The following RPH3AL variants were observed in gnomAD, a reference collection of about 807,000 sequenced individuals.
The protein encoded by RPH3AL is rab effector Noc2.
Under a neutral mutation model 43.1 loss-of-function variants are expected in RPH3AL, and 38 were observed. The ratio of observed to expected loss-of-function variants is 0.88; its 90% confidence interval spans 0.68 to 1.15. RPH3AL has a LOEUF of 1.15. Among genes scored for constraint, RPH3AL ranks in the 50% most tolerant of loss-of-function variants. RPH3AL has a pLI of 0.00. For synonymous variants in RPH3AL, 189 were observed against 176.3 expected, an observed-to-expected ratio of 1.07 and a Z score of -0.57; for missense variants, 462 against 423.2, an observed-to-expected ratio of 1.09 and a Z score of -0.81.
At position 323,337 on chromosome 17, in the gene RPH3AL, G is replaced by A. The variant is rs192233546; in HGVS notation, c.78-1922C>T. Among the ~76,000 whole-genome samples the A allele has an allele frequency of 7.9e-5, 12 of 152,208 alleles. No homozygotes were observed. The highest frequency in any genetic ancestry group is 2.2e-4 in the African/African-American group (9 of 41,536). Reference sequence around the variant, plus strand: ...CACGGTGCTGGGGAAGGAAAATACCGGGGCAGCAGGGCAGGGCTGGAAGGG... The same window carrying A: ...CACGGTGCTGGGGAAGGAAAATACCAGGGCAGCAGGGCAGGGCTGGAAGGG... On this transcript the variant is annotated intron_variant, in intron 3 of 9. Transcript: ENST00000331302. The surrounding 1 kb of genome is among the most constrained non-coding windows in gnomAD (Gnocchi z 4.4).
In RPH3AL at chr17:213,768, G is replaced by A. The variant is rs1214152572; in HGVS notation, c.*84C>T. 2.7e-6 allele frequency: 3 copies of A among 1,106,880 alleles called. No homozygotes were observed. The African/African-American group carries it at 4.6e-5, about 17-fold the overall frequency. 68.6% of individuals were successfully genotyped at this position (1,106,880 alleles called of 1,614,324 possible). ...TCATGGCCAACAGGGTGTCTGGTGAGGGCACAAGGACCGGTCAGGGAGGAG... is the reference window on the plus strand; with the variant it reads ...TCATGGCCAACAGGGTGTCTGGTGAAGGCACAAGGACCGGTCAGGGAGGAG... On this transcript the variant is annotated 3_prime_UTR_variant, in exon 10 of 10. Coordinates refer to ENST00000331302, the MANE Select transcript of RPH3AL (RefSeq NM_006987.4).
At chr17:247,337 C>T (rs1555540618) in intron 6 of RPH3AL, 52 bp from the exon 7 acceptor site, 2 of 1,487,218 alleles carry the variant, frequency 1.3e-6, no homozygotes, top group Admixed American at 2.4e-5. Context: ...GGAGCCTCCC[C>T]TCCTGCTCCT....
At chr17:343,712 G>T (rs1275173248) in intron 1 of RPH3AL, among the ~76,000 whole-genome samples, 1 of 152,274 alleles carries the variant, frequency 6.6e-6, no homozygotes, top group East Asian at 1.9e-4. Context: ...ATAGTTGCGG[G>T]TGCTATTGAC....
chr17:299,035 G>A (rs1029702708), intron 5 of RPH3AL, among the ~76,000 whole-genome samples: 44 of 151,652 alleles, frequency 2.9e-4, no homozygotes, highest in African/African-American at 9.7e-4. Flanking sequence ...ACTTTATGCT[G>A]CTGGCAGTAG....
intron 5 of RPH3AL, among the ~76,000 whole-genome samples, chr17:304,978 C>CATCAGGGTGCTTA (rs1567631214): frequency 2.3e-4 from 8 of 35,438 alleles, no homozygotes; most frequent in African/African-American, 9.0e-4. Flanking sequence ...GGGGACAGGG[C>CATCAGGGTGCTTA]GGGAGGGGGA....
intron 7 of RPH3AL, among the ~76,000 whole-genome samples, chr17:241,848 G>A (rs2041545455): frequency 6.6e-6 from 1 of 151,736 alleles, no homozygotes. Context: ...TGGCATGGTG[G>A]CTCATGCTGG....
chr17:316,986 C>T (rs1188825050), intron 5 of RPH3AL, among the ~76,000 whole-genome samples: 1 of 148,502 alleles, frequency 6.7e-6, no homozygotes, highest in African/African-American at 2.5e-5. Flanking sequence ...GACCTGTAGT[C>T]CCTGTGACCC....
rs2151490970 is a variant in RPH3AL at position 213,859 on chromosome 17, A to C, written c.941T>G (p.Leu314Arg). The C allele has an allele frequency of 6.2e-7, 1 of 1,613,288 alleles. No individual in the cohort carries two copies. The highest frequency in any genetic ancestry group is 1.1e-5 in the South Asian group (1 of 91,050). ...TTCCAGGCACCAGACACCTCAGCCC[A>C]GGCAGCTGGAGGGGCCTGCTGGAGC... ...DAAPAGPSSC[L>R]G Residue 314 changes from leucine (L) to arginine (R), a missense_variant, in exon 10 of 10, where the codon CTG becomes CGG. Transcript: ENST00000331302.
Position 223,454 on chromosome 17 carries a change from C to T in RPH3AL, c.614-3718G>A, listed in dbSNP as rs532056444. ...TGGTGGTTACGGAGGAAGGTTAGGGCGGGTTGAGCTCTTATGCCAGGCACT... is the reference window on the plus strand; with the variant it reads ...TGGTGGTTACGGAGGAAGGTTAGGGTGGGTTGAGCTCTTATGCCAGGCACT... On this transcript the variant is annotated intron_variant, in intron 7 of 9. Coordinates refer to ENST00000331302, the MANE Select transcript of RPH3AL (RefSeq NM_006987.4). Among the ~76,000 whole-genome samples the T allele has an allele frequency of 1.1e-4, 17 of 152,186 alleles. No individual in the cohort carries two copies. In the South Asian group the frequency reaches 2.7e-3, roughly 24 times the overall value.
rs959337796 is a variant in RPH3AL at position 246,628 on chromosome 17, T to C, written c.613+483A>G. ...GCCACCTGAGACACACACACCTTAC[T>C]GTAGCCACCAGAACGCCCAGGGACA... On this transcript the variant is annotated intron_variant, in intron 7 of 9. Transcript: ENST00000331302. The surrounding 1 kb of genome is among the most constrained non-coding windows in gnomAD (Gnocchi z 4.8). 6.6e-6 allele frequency among the ~76,000 whole-genome samples: 1 copy of C among 151,954 alleles called. No homozygotes were observed. Among genetic ancestry groups the C allele is most frequent in the Admixed American group, 6.6e-5 (1 of 15,254 alleles).
At chr17:250,825 C>T (rs1281821882) in intron 6 of RPH3AL, among the ~76,000 whole-genome samples, 1 of 151,414 alleles carries the variant, frequency 6.6e-6, no homozygotes, top group Non-Finnish European at 1.5e-5. Context: ...CCTCTCGGAG[C>T]CTTTACCAAG....
chr17:223,748 C>A lies in RPH3AL; in HGVS notation c.614-4012G>T, dbSNP rs35147412. On this transcript the variant is annotated intron_variant, in intron 7 of 9. Coordinates refer to ENST00000331302, the MANE Select transcript of RPH3AL (RefSeq NM_006987.4). ...GTAGATCCAGAGGCTTCTGGAAAAG[C>A]CTTCATGGCTCCAGCCTCTGTCACC... 3.3e-5 allele frequency among the ~76,000 whole-genome samples: 5 copies of A among 152,178 alleles called. No homozygotes were observed. The East Asian group carries it at 9.6e-4, about 29-fold the overall frequency.
Position 245,179 on chromosome 17 carries a change from G to A in RPH3AL, c.613+1932C>T, listed in dbSNP as rs576439145. Among the ~76,000 whole-genome samples the A allele has an allele frequency of 3.3e-5, 5 of 151,730 alleles. No individual in the cohort carries two copies. The highest frequency in any genetic ancestry group is 7.3e-5 in the African/African-American group (3 of 41,320). ...TGCACATGGATGTGTCTGTGTGTAC[G>A]TGGATGTCTGTGTGTGTGGATGTGA... On this transcript the variant is annotated intron_variant, in intron 7 of 9. Coordinates refer to ENST00000331302, the MANE Select transcript of RPH3AL (RefSeq NM_006987.4). This position sits in a 1 kb window ranked among gnomAD's most constrained non-coding sequence, Gnocchi z 5.9.
At chr17:311,564 C>T (rs1415686031) in intron 5 of RPH3AL, among the ~76,000 whole-genome samples, 9 of 152,202 alleles carry the variant, frequency 5.9e-5, no homozygotes, top group Non-Finnish European at 8.8e-5. Flanking sequence ...ACGGTCAGGA[C>T]GTGAGGGAAG....
rs2151541588 is a variant in RPH3AL at position 245,198 on chromosome 17, GATGTGAGCGTGTGTGTCC to G, written c.613+1895_613+1912del. 6.8e-6 allele frequency among the ~76,000 whole-genome samples: 1 copy of G among 147,004 alleles called. No individual in the cohort carries two copies. The highest frequency in any genetic ancestry group is 2.0e-4 in the East Asian group (1 of 4,910). On this transcript the variant is annotated intron_variant, in intron 7 of 9. Transcript: ENST00000331302. The surrounding 1 kb of genome is among the most constrained non-coding windows in gnomAD (Gnocchi z 5.9). ...GTGTACGTGGATGTCTGTGTGTGTG[GATGTGAGCGTGTGTGTCC>G]ATGTGGATGTGTGTGTGCGTGTGGA...
intron 5 of RPH3AL, among the ~76,000 whole-genome samples, chr17:312,002 T>C (rs1022104073): frequency 5.9e-5 from 9 of 152,136 alleles, no homozygotes; most frequent in African/African-American, 2.2e-4. Flanking sequence ...AGGACTAGTG[T>C]CTTTATAAGA....
intron 1 of RPH3AL, among the ~76,000 whole-genome samples, chr17:340,369 C>CTCCCA (rs2045080030): frequency 2.0e-5 from 3 of 149,704 alleles, no homozygotes; most frequent in Admixed American, 6.8e-5. Context: ...CACTCACTGC[C>CTCCCA]CTGGGCTCAG....
At chr17:335,495 C>T (rs1006122367) in intron 1 of RPH3AL, among the ~76,000 whole-genome samples, 1 of 152,050 alleles carries the variant, frequency 6.6e-6, no homozygotes. Flanking sequence ...CAGAACCGCC[C>T]GGCCGGCCCG....
chr17:285,081 G>A (rs1018128378), intron 5 of RPH3AL, among the ~76,000 whole-genome samples: 6 of 152,298 alleles, frequency 3.9e-5, no homozygotes, highest in African/African-American at 1.4e-4. Context: ...TAAACATTCA[G>A]TCCACAGCAG....
Sources: allele counts gnomAD v4.1 joint callset (sites outside exome capture counted in the v4.1 genomes callset), GRCh38; gene constraint gnomAD v4.1.1; non-coding constraint Gnocchi (gnomAD v3.1); transcripts MANE v1.5; gene names NCBI Gene and HGNC (gene_info 2026-07-23, HGNC 2026-07-21).